GRIK1: variants seen among roughly 807,000 people sequenced by gnomAD.
GRIK1 encodes the protein glutamate ionotropic receptor kainate type subunit 1.
A neutral mutation model predicts 105.7 loss-of-function variants in GRIK1; 69 were observed. The observed-to-expected ratio is 0.65, with a 90% CI of 0.54 to 0.80. The LOEUF (loss-of-function observed/expected upper bound fraction) is 0.80, where lower values mean the gene tolerates loss of function less well. Among genes scored for constraint, GRIK1 ranks in the 30% least tolerant of loss-of-function variants. The probability of loss-of-function intolerance (pLI) is 0.00; values close to 1 mark genes in which losing one functional copy is unlikely to be tolerated. For synonymous variants in GRIK1, 438 were observed against 431.3 expected, an observed-to-expected ratio of 1.02 and a Z score of -0.19; for missense variants, 1,109 against 1,167.3, an observed-to-expected ratio of 0.95 and a Z score of 0.73.
chr21:29,918,178 G>A (rs1209139718), intron 1 of GRIK1, among the ~76,000 whole-genome samples: 1 of 151,932 alleles, frequency 6.6e-6, no homozygotes, highest in Non-Finnish European at 1.5e-5. Context: ...TTACTACTTA[G>A]AATTACTAAG....
intron 1 of GRIK1, among the ~76,000 whole-genome samples, chr21:29,729,461 C>T (rs2064555706): frequency 6.6e-6 from 1 of 152,186 alleles, no homozygotes; most frequent in Non-Finnish European, 1.5e-5. Flanking sequence ...TGGTGTTTGT[C>T]ATATTCAGTA....
chr21:29,817,597 C>A (rs533719355), intron 1 of GRIK1, among the ~76,000 whole-genome samples: 6 of 152,062 alleles, frequency 3.9e-5, no homozygotes, highest in Non-Finnish European at 5.9e-5. Context: ...TTGCCCCTTT[C>A]TCGAGCTGCT....
intron 1 of GRIK1, among the ~76,000 whole-genome samples, chr21:29,891,570 T>C (rs1601957654): frequency 6.6e-6 from 1 of 152,220 alleles, no homozygotes; most frequent in African/African-American, 2.4e-5. Context: ...TGCTCATCTG[T>C]GACCATCTGT....
chr21:29,618,386 A>C (rs191286017), intron 7 of GRIK1, among the ~76,000 whole-genome samples: 1 of 152,320 alleles, frequency 6.6e-6, no homozygotes, highest in East Asian at 1.9e-4. Context: ...TGCAATGTAA[A>C]GGGAACACTT....
At chr21:29,577,312 C>A (rs572176536) in intron 13 of GRIK1, 131 bp from the exon 14 acceptor site, 6 of 560,834 alleles carry the variant, frequency 1.1e-5, no homozygotes, top group Non-Finnish European at 1.9e-5. Context: ...GAAATAAATG[C>A]ATTTTATAGA....
chr21:29,585,269 G>C lies in GRIK1; in HGVS notation c.1793+2097C>G, dbSNP rs2091105986. ...AAACTGAATGAAGTCCAAAAATATG[G>C]AGGTCTGGGTCACCAAGAGCTTATG... On this transcript the variant is annotated intron_variant, in intron 12 of 17. Transcript: ENST00000327783. Among the ~76,000 whole-genome samples the C allele has an allele frequency of 2.6e-5, 4 of 152,082 alleles. No homozygotes were observed. The South Asian group carries it at 8.3e-4, about 32-fold the overall frequency.
At chr21:29,937,744 G>A (rs2245528) in intron 1 of GRIK1, among the ~76,000 whole-genome samples, 93,806 of 151,780 alleles carry the variant, frequency 0.62, 30,642 homozygotes, top group East Asian at 0.83. Context: ...AAGTTAATAA[G>A]TATTGGAAAT....
At chr21:29,938,465 C>G (rs1420584947) in intron 1 of GRIK1, among the ~76,000 whole-genome samples, 1 of 152,226 alleles carries the variant, frequency 6.6e-6, no homozygotes, top group Non-Finnish European at 1.5e-5. Context: ...TGTGTCAACC[C>G]TCAAAGTTCA....
rs993743396 is a variant in GRIK1, at chr21:29,857,011, A to T, written c.118+82372T>A. Among the ~76,000 whole-genome samples the T allele has an allele frequency of 3.3e-5, 5 of 152,354 alleles. No homozygotes were observed. The East Asian group carries it at 9.6e-4, about 29-fold the overall frequency. On this transcript the variant is annotated intron_variant, in intron 1 of 17. Coordinates refer to ENST00000327783, the MANE Select transcript of GRIK1 (RefSeq NM_001330994.2). Reference sequence around the variant, plus strand: ...GTAAGAGAGCTAAGGTGGGGGACAGATGATGCAAATCCACAGGAAGGATTT... The same window carrying T: ...GTAAGAGAGCTAAGGTGGGGGACAGTTGATGCAAATCCACAGGAAGGATTT...
intron 7 of GRIK1, among the ~76,000 whole-genome samples, chr21:29,634,535 C>A (rs1283105018): frequency 6.6e-6 from 1 of 152,200 alleles, no homozygotes; most frequent in African/African-American, 2.4e-5. Flanking sequence ...GTTCAATAAG[C>A]ATCTTTTAAA....
In GRIK1 at chr21:29,712,083, T is replaced by TATACAC. The variant is rs1232277994; in HGVS notation, c.119-18021_119-18020insGTGTAT. Among the ~76,000 whole-genome samples, 529 of 135,358 alleles carry TATACAC rather than the reference T, an allele frequency of 3.9e-3. 4 individuals carry two copies. The highest frequency in any genetic ancestry group is 0.013 in the African/African-American group (470 of 37,120). The allele number at this position is 135,358 out of a possible 152,430, so 88.8% of individuals were successfully genotyped here. ...GTATATAAGTATATGTATACATACA[T>TATACAC]ACACACACACACACACACACACACA... On this transcript the variant is annotated intron_variant, in intron 1 of 17. Transcript: ENST00000327783.
intron 1 of GRIK1, among the ~76,000 whole-genome samples, chr21:29,830,749 T>C (rs2067609309): frequency 6.6e-6 from 1 of 152,166 alleles, no homozygotes; most frequent in East Asian, 1.9e-4. Flanking sequence ...TAATTTCAGT[T>C]CATAAATTTC....
intron 1 of GRIK1, among the ~76,000 whole-genome samples, chr21:29,714,601 C>A (rs1025858869): frequency 6.6e-6 from 1 of 151,960 alleles, no homozygotes; most frequent in Non-Finnish European, 1.5e-5. Context: ...GTCTGCCTAC[C>A]CAGGCAGGAC....
chr21:29,749,860 G>A (rs943911053), intron 1 of GRIK1, among the ~76,000 whole-genome samples: 2 of 152,138 alleles, frequency 1.3e-5, no homozygotes, highest in African/African-American at 4.8e-5. Context: ...AACCTAGTCC[G>A]CATATTGCAA....
chr21:29,928,938 G>C (rs947811883), intron 1 of GRIK1, among the ~76,000 whole-genome samples: 3 of 152,072 alleles, frequency 2.0e-5, no homozygotes, highest in Admixed American at 6.5e-5. Context: ...CTCCCACTGG[G>C]GCCACATCAA....
In GRIK1 at chr21:29,538,085, AAT is replaced by A. The variant is rs1190863082; in HGVS notation, c.2608-203_2608-202del. 3.3e-5 allele frequency among the ~76,000 whole-genome samples: 5 copies of A among 152,288 alleles called. No individual in the cohort carries two copies. In the South Asian group the frequency reaches 1.0e-3, roughly 32 times the overall value. On this transcript the variant is annotated intron_variant, in intron 16 of 17. Coordinates refer to ENST00000327783, the MANE Select transcript of GRIK1 (RefSeq NM_001330994.2). The stretch of plus-strand genomic sequence containing the variant: ...TAAAAAATGTTCTACATATACAGAC[AAT>A]ATATATAATCTGCATTGCAATTATG...
rs895401626 is a variant in GRIK1 at position 29,737,742 on chromosome 21, T to C, written c.119-43679A>G. ...TCATGGCAGGTGCCAAGGATGGAGG[T>C]CACGTGAAGGTTTTCTACCCTCCAC... On this transcript the variant is annotated intron_variant, in intron 1 of 17. Transcript: ENST00000327783. 3.3e-5 allele frequency among the ~76,000 whole-genome samples: 5 copies of C among 152,134 alleles called. No homozygotes were observed. In the East Asian group the frequency reaches 9.6e-4, roughly 29 times the overall value.
chr21:29,593,622 A>G (rs1459347125), intron 9 of GRIK1, among the ~76,000 whole-genome samples: 1 of 152,184 alleles, frequency 6.6e-6, no homozygotes, highest in Non-Finnish European at 1.5e-5. Flanking sequence ...CTTCACTTAG[A>G]CACTGAGGAG....
At chr21:29,560,384 C>CTTT (rs1568813853) in intron 15 of GRIK1, among the ~76,000 whole-genome samples, 17 of 51,038 alleles carry the variant, frequency 3.3e-4, no homozygotes, top group Admixed American at 2.1e-3. Flanking sequence ...TTCCTTCCTT[C>CTTT]CTTCCTTCCT....
Sources: allele counts gnomAD v4.1 joint callset (sites outside exome capture counted in the v4.1 genomes callset), GRCh38; gene constraint gnomAD v4.1.1; transcripts MANE v1.5; gene names NCBI Gene and HGNC (gene_info 2026-07-23, HGNC 2026-07-21).